Variants in CLEC16A observed in about 807,000 individuals in gnomAD.
CLEC16A encodes the protein protein CLEC16A.
Under a neutral mutation model 109.5 loss-of-function variants are expected in CLEC16A, and 51 were observed. That is an observed-to-expected ratio of 0.47 (90% CI 0.37 to 0.59). The LOEUF (loss-of-function observed/expected upper bound fraction) is 0.59, where lower values mean the gene tolerates loss of function less well. Ranked by LOEUF, CLEC16A falls within the 20% of genes least tolerant of loss-of-function variation. The probability of loss-of-function intolerance (pLI) is 0.00; values close to 1 mark genes in which losing one functional copy is unlikely to be tolerated. For synonymous variants in CLEC16A, 673 were observed against 564.2 expected (o/e 1.19, Z -2.73); for missense variants, 1,339 against 1,394.0 (o/e 0.96, Z 0.63).
intron 22 of CLEC16A, among the ~76,000 whole-genome samples, chr16:11,146,074 A>G (rs1045798145): frequency 2.0e-5 from 3 of 152,144 alleles, no homozygotes; most frequent in Admixed American, 2.0e-4. Flanking sequence ...TGTTTGGAGA[A>G]GTCGCCCTGG....
chr16:11,056,486 T>C (rs1394980653), intron 18 of CLEC16A: 3 of 152,358 alleles, frequency 2.0e-5, no homozygotes, highest in East Asian at 3.9e-4. Flanking sequence ...GAGTTAGGAA[T>C]AGGATTTTTT....
At chr16:11,157,178 C>T in intron 22 of CLEC16A, 1 of 1,262,470 alleles carries the variant, frequency 7.9e-7, no homozygotes, top group Non-Finnish European at 1.0e-6. Context: ...GTATGTTGGA[C>T]ATGTTATCCG....
chr16:11,010,376 C>G (rs946968827), intron 11 of CLEC16A, among the ~76,000 whole-genome samples: 7 of 152,104 alleles, frequency 4.6e-5, no homozygotes, highest in Non-Finnish European at 8.8e-5. Flanking sequence ...TAGTTGCTTT[C>G]TATTTATACT....
At chr16:11,149,465 A>T (rs555394065) in intron 22 of CLEC16A, among the ~76,000 whole-genome samples, 52 of 147,130 alleles carry the variant, frequency 3.5e-4, no homozygotes, top group African/African-American at 1.3e-3. Flanking sequence ...TCTCTCATTT[A>T]AAAAAAAAAA....
chr16:10,965,221 A>G (rs1267079627), intron 3 of CLEC16A, among the ~76,000 whole-genome samples: 4 of 152,170 alleles, frequency 2.6e-5, no homozygotes, highest in African/African-American at 7.2e-5. Flanking sequence ...TAGCCCCTTC[A>G]CCACAGTGCT....
intron 19 of CLEC16A, among the ~76,000 whole-genome samples, chr16:11,120,360 G>A (rs1232524964): frequency 1.3e-5 from 2 of 152,220 alleles, no homozygotes; most frequent in African/African-American, 4.8e-5. Flanking sequence ...CTTTATATCA[G>A]TCCTAACTAG....
At chr16:11,022,923 A>G (rs1184547215) in intron 12 of CLEC16A, among the ~76,000 whole-genome samples, 2 of 144,522 alleles carry the variant, frequency 1.4e-5, no homozygotes, top group African/African-American at 5.0e-5. Context: ...ATATATATAT[A>G]TGTATATATA....
intron 22 of CLEC16A, among the ~76,000 whole-genome samples, chr16:11,151,541 A>G (rs761146566): frequency 1.8e-4 from 28 of 152,236 alleles, no homozygotes; most frequent in Non-Finnish European, 3.5e-4. Context: ...GAGAGAGTCT[A>G]TGGGTTAATA....
At position 11,180,057 on chromosome 16, in the gene CLEC16A, C is replaced by A. The variant is rs200830352; in HGVS notation, c.*1367C>A. 1.3e-5 allele frequency: 2 copies of A among 152,520 alleles called. No homozygotes were observed. The highest frequency in any genetic ancestry group is 1.3e-4 in the Admixed American group (2 of 15,312). 9.4% of individuals were successfully genotyped at this position (152,520 alleles called of 1,614,324 possible). A position where few individuals can be genotyped will look rare whatever the true frequency, so the allele number is the denominator to read the frequency against. ...CACTGGTGAGACCTTCCACAACTTT[C>A]CTCCAGACCTGCCAGCAGATGTGCC... On this transcript the variant is annotated 3_prime_UTR_variant, in exon 24 of 24. Transcript: ENST00000409790.
At chr16:11,166,623 C>T in intron 23 of CLEC16A, 71 bp downstream of exon 23, 2 of 1,426,140 alleles carry the variant, frequency 1.4e-6, no homozygotes, top group South Asian at 2.9e-5. Context: ...TTACCAAAAC[C>T]CCTGACCTCC....
intron 1 of CLEC16A, among the ~76,000 whole-genome samples, chr16:10,952,736 C>T (rs2041797862): frequency 6.6e-6 from 1 of 152,164 alleles, no homozygotes; most frequent in Non-Finnish European, 1.5e-5. Flanking sequence ...AGGTGTAACC[C>T]TCATTGAGCT....
intron 15 of CLEC16A, among the ~76,000 whole-genome samples, chr16:11,042,865 A>G (rs1319941449): frequency 6.7e-6 from 1 of 150,156 alleles, no homozygotes; most frequent in Non-Finnish European, 1.5e-5. Flanking sequence ...CACACATATT[A>G]TATATGTAAA....
At chr16:11,016,220 A>G (rs1463750156) in intron 11 of CLEC16A, among the ~76,000 whole-genome samples, 3 of 149,458 alleles carry the variant, frequency 2.0e-5, no homozygotes, top group African/African-American at 7.4e-5. Context: ...CACTTTGGAG[A>G]TGGCCAAGGT....
At chr16:11,032,465 T>C (rs535855149) in intron 13 of CLEC16A, among the ~76,000 whole-genome samples, 88 of 152,300 alleles carry the variant, frequency 5.8e-4, no homozygotes, top group Admixed American at 1.9e-3. Context: ...AGCAGATACT[T>C]GCTGAGCGCT....
intron 21 of CLEC16A, 71 bp downstream of exon 21, chr16:11,124,017 C>T (rs2052621349): frequency 1.4e-6 from 2 of 1,389,128 alleles, no homozygotes; most frequent in African/African-American, 1.4e-5. Context: ...AGTTCTCACA[C>T]TGACCTTGAG....
chr16:11,088,356 A>C (rs77117021), intron 19 of CLEC16A, among the ~76,000 whole-genome samples: 8,341 of 152,222 alleles, frequency 0.055, 814 homozygotes, highest in African/African-American at 0.19. Flanking sequence ...AGTCTGTCCC[A>C]CACCAGGGTA....
chr16:10,979,291 C>A, intron 8 of CLEC16A, 38 bp from the exon 9 acceptor site: 3 of 1,589,784 alleles, frequency 1.9e-6, no homozygotes, highest in Non-Finnish European at 2.6e-6. Flanking sequence ...GCTTGTGTGA[C>A]CTGATCTCTC....
intron 22 of CLEC16A, among the ~76,000 whole-genome samples, chr16:11,159,527 A>G (rs1230339576): frequency 6.6e-6 from 1 of 152,266 alleles, no homozygotes; most frequent in Non-Finnish European, 1.5e-5. Context: ...CATCTCATGT[A>G]TAAATTGGAG....
At chr16:11,130,310 A>G (rs2053118292) in intron 22 of CLEC16A, among the ~76,000 whole-genome samples, 1 of 152,168 alleles carries the variant, frequency 6.6e-6, no homozygotes, top group African/African-American at 2.4e-5. Flanking sequence ...TTCTCTGAAC[A>G]CGGGAAGACA....
Sources: allele counts gnomAD v4.1 joint callset (sites outside exome capture counted in the v4.1 genomes callset), GRCh38; gene constraint gnomAD v4.1.1; transcripts MANE v1.5; gene names NCBI Gene and HGNC (gene_info 2026-07-23, HGNC 2026-07-21).